TMEM150B: variants seen among roughly 807,000 people sequenced by gnomAD.
The protein encoded by TMEM150B is modulator of macroautophagy TMEM150B.
TMEM150B carries 33 observed loss-of-function variants against 25.2 expected under a neutral mutation model. That is an observed-to-expected ratio of 1.31 (90% CI 0.99 to 1.75). The LOEUF is 1.75. Ranked by LOEUF, TMEM150B falls within the 40% of genes most tolerant of loss-of-function variation. The pLI is 0.00. For missense variants in TMEM150B, 322 were observed against 306.1 expected (o/e 1.05, Z -0.39); for synonymous variants, 133 against 134.8 (o/e 0.99, Z 0.09).
chr19:55,311,457 C>T (rs1183810402), downstream of TMEM150B, among the ~76,000 whole-genome samples: 3 of 152,258 alleles, frequency 2.0e-5, no homozygotes, highest in Non-Finnish European at 2.9e-5. Context: ...GAGACCCCCC[C>T]GACTCCACCA....
chr19:55,320,295 C>G, intron 5 of TMEM150B, 96 bp downstream of exon 5: 1 of 1,504,754 alleles, frequency 6.6e-7, no homozygotes, highest in Non-Finnish European at 8.9e-7. Context: ...AAAGAGGGGC[C>G]TGGGGCATGG....
Position 55,321,060 on chromosome 19 carries a change from C to T in TMEM150B, c.-24G>A, listed in dbSNP as rs553616260. 1.1e-4 allele frequency: 180 copies of T among 1,606,828 alleles called. 2 individuals carry two copies. In the South Asian group the frequency reaches 1.6e-3, roughly 15 times the overall value. On this transcript the variant is annotated 5_prime_UTR_variant, in exon 3 of 8. Coordinates refer to ENST00000326652, the MANE Select transcript of TMEM150B (RefSeq NM_001282011.2). ...ATGCCGGGCTCTGCAGGTGAAGGAT[C>T]GGGGCTGAGGCTGGACACCTGTCTC...
chr19:55,315,825 A>G (rs1420654223), intron 7 of TMEM150B, among the ~76,000 whole-genome samples: 1 of 148,856 alleles, frequency 6.7e-6, no homozygotes, highest in African/African-American at 2.5e-5. Flanking sequence ...AGCTACGTGG[A>G]AGGCTGAGGC....
downstream of TMEM150B, among the ~76,000 whole-genome samples, chr19:55,311,429 G>A (rs1371174324): frequency 6.6e-6 from 1 of 152,120 alleles, no homozygotes; most frequent in Non-Finnish European, 1.5e-5. Flanking sequence ...AGTCAGGCTG[G>A]CCCAGCATGA....
In TMEM150B at chr19:55,319,777, G is replaced by A. The variant is rs535593543; in HGVS notation, c.324+262C>T. On this transcript the variant is annotated intron_variant, in intron 6 of 7. Transcript: ENST00000326652. The stretch of plus-strand genomic sequence containing the variant: ...GTAATTTCATCATTAAATAAGCTGG[G>A]GAGAGGGGCTGGCAGAAAATTATCC... 3.1e-5 allele frequency: 40 copies of A among 1,304,150 alleles called. No homozygotes were observed. In the African/African-American group the frequency reaches 5.5e-4, roughly 18 times the overall value. 80.8% of individuals were successfully genotyped at this position (1,304,150 alleles called of 1,614,324 possible).
Position 55,321,074 on chromosome 19 carries a change from G to C in TMEM150B, c.-38C>G. 5 of 1,596,742 alleles carry C rather than the reference G, an allele frequency of 3.1e-6. No homozygotes were observed. Among genetic ancestry groups the C allele is most frequent in the Non-Finnish European group, 4.3e-6 (5 of 1,171,392 alleles). Reference sequence around the variant, plus strand: ...AGGTGAAGGATCGGGGCTGAGGCTGGACACCTGTCTCTCTCACACCTGAAG... The same window carrying C: ...AGGTGAAGGATCGGGGCTGAGGCTGCACACCTGTCTCTCTCACACCTGAAG... On this transcript the variant is annotated 5_prime_UTR_variant, in exon 3 of 8. Transcript: ENST00000326652.
downstream of TMEM150B, chr19:55,312,765 C>T (rs957959705): frequency 1.4e-5 from 18 of 1,332,506 alleles, no homozygotes; most frequent in Non-Finnish European, 1.6e-5. Flanking sequence ...TTGGAGAGAT[C>T]TCCAGTGGCT....
chr19:55,323,595 C>T (rs1338017130), intron 1 of TMEM150B, among the ~76,000 whole-genome samples: 3 of 149,628 alleles, frequency 2.0e-5, no homozygotes, highest in Non-Finnish European at 4.5e-5. Context: ...CTCTGCTTCC[C>T]GGGTTCAAGT....
At chr19:55,313,768 CCTT>C (rs1361716594) in intron 7 of TMEM150B, among the ~76,000 whole-genome samples, 2 of 151,714 alleles carry the variant, frequency 1.3e-5, no homozygotes, top group Non-Finnish European at 2.9e-5. Flanking sequence ...CCTGCTAGCT[CCTT>C]AAGACCTTTT....
chr19:55,312,511 G>A (rs1460251968), downstream of TMEM150B: 6 of 149,632 alleles, frequency 4.0e-5, no homozygotes, highest in Non-Finnish European at 7.0e-5. Flanking sequence ...GCCTGCGTCC[G>A]TGTCTCTGAT....
Position 55,321,079 on chromosome 19 carries a change from C to CTG in TMEM150B, c.-45_-44dup. ...AAGGATCGGGGCTGAGGCTGGACAC[C>CTG]TGTCTCTCTCACACCTGAAGAACCA... On this transcript the variant is annotated 5_prime_UTR_variant, in exon 3 of 8. Transcript: ENST00000326652. 6.3e-7 allele frequency: 1 copy of CTG among 1,590,082 alleles called. No homozygotes were observed. The highest frequency in any genetic ancestry group is 1.1e-5 in the South Asian group (1 of 87,788).
downstream of TMEM150B, among the ~76,000 whole-genome samples, chr19:55,311,276 T>C (rs1372822632): frequency 6.6e-6 from 1 of 152,022 alleles, no homozygotes; most frequent in Non-Finnish European, 1.5e-5. Context: ...CAGTTTCTCT[T>C]AAAAGAAAAA....
At chr19:55,320,312 G>A in intron 5 of TMEM150B, 79 bp downstream of exon 5, 1 of 1,501,802 alleles carries the variant, frequency 6.7e-7, no homozygotes, top group Non-Finnish European at 8.9e-7. Flanking sequence ...ATGGACTCCT[G>A]GGTTTGAGAA....
intron 2 of TMEM150B, 60 bp from the exon 3 acceptor site, chr19:55,321,153 G>T: frequency 6.8e-7 from 1 of 1,465,540 alleles, no homozygotes; most frequent in East Asian, 2.5e-5. Context: ...CAACCACTAG[G>T]CCCCGCTTGG....
downstream of TMEM150B, chr19:55,312,424 C>CTCCTCCCCTGG: frequency 5.3e-6 from 1 of 189,600 alleles, no homozygotes; most frequent in African/African-American, 2.3e-5. Flanking sequence ...TCCCGGGCCC[C>CTCCTCCCCTGG]TCCTCCCCTG....
At position 55,320,038 on chromosome 19, in the gene TMEM150B, C is replaced by T; in HGVS notation, c.324+1G>A. On this transcript the variant is annotated splice_donor_variant, in intron 6 of 7. Coordinates refer to ENST00000326652, the MANE Select transcript of TMEM150B (RefSeq NM_001282011.2). LOFTEE classifies it high-confidence loss of function. ...GACCCTGGGCGCCGACTGGGTCTCA[C>T]CTGGAAATTGCCTACCACGGAGGTG... 6.2e-7 allele frequency: 1 copy of T among 1,614,074 alleles called. No homozygotes were observed. Among genetic ancestry groups the T allele is most frequent in the Non-Finnish European group, 8.5e-7 (1 of 1,180,006 alleles).
downstream of TMEM150B, among the ~76,000 whole-genome samples, chr19:55,311,296 C>T (rs1450581063): frequency 2.6e-5 from 4 of 152,114 alleles, no homozygotes; most frequent in South Asian, 2.1e-4. Flanking sequence ...ACGAGGTCTC[C>T]GCCACGGGAC....
chr19:55,315,005 C>T (rs1037178518), intron 7 of TMEM150B, among the ~76,000 whole-genome samples: 5 of 152,194 alleles, frequency 3.3e-5, no homozygotes, highest in African/African-American at 2.4e-5. Flanking sequence ...TCTCACTCTA[C>T]ACTCTACCTA....
chr19:55,317,830 G>T (rs1482272456), intron 6 of TMEM150B, among the ~76,000 whole-genome samples: 2 of 151,708 alleles, frequency 1.3e-5, no homozygotes, highest in East Asian at 3.9e-4. Context: ...GCTCAGGCCT[G>T]TAATCCCAGC....
Sources: allele counts gnomAD v4.1 joint callset (sites outside exome capture counted in the v4.1 genomes callset), GRCh38; gene constraint gnomAD v4.1.1; transcripts MANE v1.5; gene names NCBI Gene and HGNC (gene_info 2026-07-23, HGNC 2026-07-21).